The following CRB1 variants were observed in gnomAD, a reference collection of about 807,000 sequenced individuals.
CRB1 encodes the protein crumbs cell polarity complex component 1.
Under a neutral mutation model 120.0 loss-of-function variants are expected in CRB1, and 83 were observed. That is an observed-to-expected ratio of 0.69 (90% CI 0.58 to 0.83). The LOEUF is 0.83. Among genes scored for constraint, CRB1 ranks in the 40% least tolerant of loss-of-function variants. The pLI is 0.00. For synonymous variants in CRB1, 625 were observed against 612.5 expected (o/e 1.02, Z -0.30); for missense variants, 1,699 against 1,687.6 (o/e 1.01, Z -0.12).
intron 2 of CRB1, among the ~76,000 whole-genome samples, 183 bp downstream of exon 2, chr1:197,329,186 A>T (rs530822909): frequency 6.6e-6 from 1 of 152,370 alleles, no homozygotes; most frequent in East Asian, 1.9e-4. Context: ...CTGAATTCTA[A>T]GTGGTTGCCT....
chr1:197,225,033 A>G, the CRB1 span, among the ~76,000 whole-genome samples: 16 of 152,096 alleles, frequency 1.1e-4, no homozygotes, highest in African/African-American at 3.9e-4. Context: ...ACAGTTCTAT[A>G]TTTATTAACT....
chr1:197,347,603 ATTG>A, intron 4 of CRB1, 124 bp downstream of exon 4: 1 of 1,066,154 alleles, frequency 9.4e-7, no homozygotes, highest in East Asian at 2.6e-5. Flanking sequence ...TCTAGCTAAT[ATTG>A]TTTAGTTTTA....
the CRB1 span, among the ~76,000 whole-genome samples, chr1:197,258,201 C>A: frequency 1.3e-5 from 2 of 151,998 alleles, no homozygotes; most frequent in Non-Finnish European, 1.5e-5. Flanking sequence ...ACAAATGGAT[C>A]CCATTTTTCT....
At chr1:197,408,144 A>G (rs1663514863) in intron 5 of CRB1, among the ~76,000 whole-genome samples, 1 of 152,118 alleles carries the variant, frequency 6.6e-6, no homozygotes, top group African/African-American at 2.4e-5. Flanking sequence ...AATACAATGT[A>G]CTCTGTGCTG....
chr1:197,358,489 G>A (rs1001180922), intron 5 of CRB1, among the ~76,000 whole-genome samples: 1 of 152,178 alleles, frequency 6.6e-6, no homozygotes, highest in Non-Finnish European at 1.5e-5. Flanking sequence ...GATTTCTGAA[G>A]AGCTGCCAGG....
the CRB1 span, among the ~76,000 whole-genome samples, chr1:197,213,747 A>G: frequency 6.6e-6 from 1 of 152,196 alleles, no homozygotes; most frequent in Non-Finnish European, 1.5e-5. Flanking sequence ...AAATTTACAA[A>G]CATATGAAGA....
chr1:197,320,353 C>G (rs1571833409), intron 1 of CRB1, among the ~76,000 whole-genome samples: 1 of 152,146 alleles, frequency 6.6e-6, no homozygotes, highest in African/African-American at 2.4e-5. Context: ...CTTTATTAGG[C>G]TATTCAGTGT....
rs537627769 is a variant in CRB1 at position 197,300,788 on chromosome 1, G to C, written c.71-27634G>C. ...ATAGCTAGAAAGAAGTTGATGCCTGGCTTCACAGTTTCAAAGGACAGGCTG... is the reference window on the plus strand; with the variant it reads ...ATAGCTAGAAAGAAGTTGATGCCTGCCTTCACAGTTTCAAAGGACAGGCTG... On this transcript the variant is annotated intron_variant, in intron 1 of 11. Coordinates refer to ENST00000367400, the MANE Select transcript of CRB1 (RefSeq NM_201253.3). Among the ~76,000 whole-genome samples, 10 of 152,308 alleles carry C rather than the reference G, an allele frequency of 6.6e-5. No individual in the cohort carries two copies. The East Asian group carries it at 1.5e-3, about 24-fold the overall frequency.
the CRB1 span, among the ~76,000 whole-genome samples, chr1:197,246,801 C>T: frequency 4.6e-5 from 7 of 152,010 alleles, no homozygotes; most frequent in Admixed American, 4.6e-4. Context: ...TTTTGTGCTA[C>T]AATGTCTGAG....
chr1:197,309,948 T>G (rs1450493761), intron 1 of CRB1, among the ~76,000 whole-genome samples: 3 of 152,076 alleles, frequency 2.0e-5, no homozygotes, highest in African/African-American at 7.2e-5. Context: ...AACAATATGT[T>G]TATACAAGGA....
chr1:197,269,864 GAGTA>G (rs963591409), intron 1 of CRB1, among the ~76,000 whole-genome samples: 10 of 152,160 alleles, frequency 6.6e-5, no homozygotes, highest in Non-Finnish European at 1.3e-4. Flanking sequence ...TGCTCTCTTT[GAGTA>G]AGTGATTTTA....
rs1662107275 is a variant in CRB1, at chr1:197,384,352, A to G, written c.1171+27339A>G. Reference sequence around the variant, plus strand: ...GTGGTCGTGCTATTACCTGGAAAGAATGATCCAAAGGCTTGGACCCACATT... The same window carrying G: ...GTGGTCGTGCTATTACCTGGAAAGAGTGATCCAAAGGCTTGGACCCACATT... On this transcript the variant is annotated intron_variant, in intron 5 of 11. Transcript: ENST00000367400. 2.0e-5 allele frequency among the ~76,000 whole-genome samples: 3 copies of G among 152,178 alleles called. No individual in the cohort carries two copies. The South Asian group carries it at 6.2e-4, about 32-fold the overall frequency.
At chr1:197,260,611 T>C in the CRB1 span, among the ~76,000 whole-genome samples, 1 of 151,432 alleles carries the variant, frequency 6.6e-6, no homozygotes, top group African/African-American at 2.4e-5. Context: ...TAAGAGAAAA[T>C]GAACCTATTG....
intron 11 of CRB1, among the ~76,000 whole-genome samples, chr1:197,475,005 A>G (rs1667140190): frequency 1.3e-5 from 2 of 152,164 alleles, no homozygotes. Context: ...AATTATTTAC[A>G]AAAGCATGGC....
intron 11 of CRB1, among the ~76,000 whole-genome samples, chr1:197,457,778 G>A (rs555029535): frequency 1.3e-5 from 2 of 152,232 alleles, no homozygotes; most frequent in Admixed American, 6.6e-5. Flanking sequence ...ATTTCTCCTT[G>A]ACATGTTTTT....
intron 1 of CRB1, among the ~76,000 whole-genome samples, chr1:197,322,406 T>G (rs1658251531): frequency 6.6e-6 from 1 of 151,814 alleles, no homozygotes; most frequent in Non-Finnish European, 1.5e-5. Context: ...GAGGTTGCAG[T>G]GAGCCAAGAT....
the CRB1 span, among the ~76,000 whole-genome samples, chr1:197,208,935 A>G: frequency 1.3e-5 from 2 of 152,062 alleles, no homozygotes; most frequent in Non-Finnish European, 2.9e-5. Context: ...TGTGGTTCTC[A>G]GGCCAATGGA....
chr1:197,207,012 G>T, the CRB1 span, among the ~76,000 whole-genome samples: 10 of 152,056 alleles, frequency 6.6e-5, no homozygotes. Flanking sequence ...TTTTTTAACT[G>T]CTGTTGCTTT....
intron 1 of CRB1, among the ~76,000 whole-genome samples, chr1:197,295,403 C>A (rs1335359631): frequency 4.0e-5 from 6 of 151,888 alleles, no homozygotes; most frequent in Admixed American, 6.6e-5. Context: ...CAACTGAGAG[C>A]AATGTGGGAT....
Sources: gnomAD v4.1 joint callset for allele counts (sites outside exome capture counted in the v4.1 genomes callset) on GRCh38, gnomAD v4.1.1 for gene constraint, MANE v1.5 for transcripts, NCBI Gene and HGNC (gene_info 2026-07-23, HGNC 2026-07-21) for gene names.